TMEM184B: variants seen among roughly 807,000 people sequenced by gnomAD.
TMEM184B encodes the protein putative MAPK-activating protein FM08.
In TMEM184B, 17 loss-of-function variants were observed where a neutral mutation model predicts 41.8. That is an observed-to-expected ratio of 0.41 (90% CI 0.28 to 0.61). The LOEUF is 0.61. TMEM184B is among the 20% of genes least tolerant of loss of function. The pLI is 0.34. For synonymous variants in TMEM184B, 240 were observed against 229.5 expected (o/e 1.05, Z -0.41); for missense variants, 393 against 557.8 (o/e 0.70, Z 2.98).
At chr22:38,218,646 G>C (rs919398958), downstream of TMEM184B, among the ~76,000 whole-genome samples, 6 of 152,222 alleles carry the variant, frequency 3.9e-5, no homozygotes, top group Non-Finnish European at 7.3e-5. Flanking sequence ...CCCCTTCTCA[G>C]GTTGGGGCTC....
chr22:38,252,062 A>ATT (rs61385474), intron 1 of TMEM184B, among the ~76,000 whole-genome samples: 52 of 142,934 alleles, frequency 3.6e-4, no homozygotes, highest in Middle Eastern at 3.5e-3. Flanking sequence ...TGTCCAACAA[A>ATT]TTTTTTTTTT....
rs930458554 is a variant in TMEM184B, at chr22:38,226,157, G to A, written c.618-564C>T. On this transcript the variant is annotated intron_variant, in intron 6 of 8. Transcript: ENST00000361906. The surrounding 1 kb of genome is among the most constrained non-coding windows in gnomAD (Gnocchi z 4.6). Reference sequence around the variant, plus strand: ...TGCAATGGCGTGATCTTGGCTCACCGCAACCTCTGCCTCCTGGGTTCAAGC... The same window carrying A: ...TGCAATGGCGTGATCTTGGCTCACCACAACCTCTGCCTCCTGGGTTCAAGC... Among the ~76,000 whole-genome samples the A allele has an allele frequency of 2.0e-5, 3 of 149,936 alleles. No homozygotes were observed. Among genetic ancestry groups the A allele is most frequent in the African/African-American group, 4.9e-5 (2 of 40,502 alleles).
rs1156630982 is a variant in TMEM184B at position 38,225,475 on chromosome 22, C to T, written c.736G>A (p.Val246Ile). 1.4e-5 allele frequency: 22 copies of T among 1,580,990 alleles called. No homozygotes were observed. The highest frequency in any genetic ancestry group is 1.8e-5 in the Non-Finnish European group (21 of 1,168,286). ...TRELLSPYSPVLKFFMVKSVI... is the reference protein window; with the variant it reads ...TRELLSPYSPILKFFMVKSVI... ...GACTTGACCATGAAGAACTTGAGGA[C>T]GGGGCTGTAGGGGCTGAGCAGCTCC... Residue 246 changes from valine (V) to isoleucine (I), a missense_variant, in exon 7 of 9, where the codon GTC (valine) becomes ATC (isoleucine). By Grantham distance (29) the Val-to-Ile change is conservative (BLOSUM62 3). Transcript: ENST00000361906. The surrounding 1 kb of genome is among the most constrained non-coding windows in gnomAD (Gnocchi z 4.4).
intron 1 of TMEM184B, among the ~76,000 whole-genome samples, chr22:38,270,207 C>G (rs1235267498): frequency 1.3e-5 from 2 of 152,188 alleles, no homozygotes; most frequent in East Asian, 3.9e-4. Context: ...ATAGGTGGAG[C>G]ACCCCTCGTC....
rs143775585 is a variant in TMEM184B, at chr22:38,266,811, C to T, written c.-59+6073G>A. 2.3e-3 allele frequency among the ~76,000 whole-genome samples: 352 copies of T among 152,288 alleles called. 1 individual carries two copies. Among genetic ancestry groups the T allele is most frequent in the African/African-American group, 8.1e-3 (338 of 41,544 alleles). On this transcript the variant is annotated intron_variant, in intron 1 of 8. Transcript: ENST00000361906. ...TACTATCAACAAGTACGGCCGGGTA[C>T]GGTGGCTCACGCCTGTAATCCCAGC... is the stretch of plus-strand genomic sequence containing the variant.
At chr22:38,240,074 C>T (rs907634327) in intron 3 of TMEM184B, among the ~76,000 whole-genome samples, 3 of 152,078 alleles carry the variant, frequency 2.0e-5, no homozygotes, top group Non-Finnish European at 4.4e-5. Context: ...CCCGCCTCAG[C>T]CTCCTGAGTT....
rs1294274335 is a variant in TMEM184B, at chr22:38,225,294, A to G, written c.787+130T>C. On this transcript the variant is annotated intron_variant, in intron 7 of 8. Coordinates refer to ENST00000361906, the MANE Select transcript of TMEM184B (RefSeq NM_012264.5). The surrounding 1 kb of genome is among the most constrained non-coding windows in gnomAD (Gnocchi z 4.4). ...CGAGGGCTCAGATTTCACCCCCAGC[A>G]AGTGCCCAGTGGGCTGAGGCCCCTC... 7 of 1,220,394 alleles carry G rather than the reference A, an allele frequency of 5.7e-6. No homozygotes were observed. The African/African-American group carries it at 7.7e-5, about 13-fold the overall frequency. The allele number at this position is 1,220,394 out of a possible 1,614,324, so 75.6% of individuals were successfully genotyped here.
At chr22:38,223,971 A>C (rs1402309330) in intron 8 of TMEM184B, 1 of 152,264 alleles carries the variant, frequency 6.6e-6, no homozygotes, top group East Asian at 1.9e-4. Flanking sequence ...GGGTATCAGC[A>C]CTTCCAAAAG....
chr22:38,242,827 G>T (rs2091941971), intron 3 of TMEM184B, among the ~76,000 whole-genome samples: 1 of 152,168 alleles, frequency 6.6e-6, no homozygotes, highest in South Asian at 2.1e-4. Flanking sequence ...ACTTTGGGAG[G>T]CCAAGGCGGG....
intron 8 of TMEM184B, chr22:38,223,924 C>T (rs1022356200): frequency 6.6e-6 from 1 of 152,264 alleles, no homozygotes; most frequent in Non-Finnish European, 1.5e-5. Flanking sequence ...GCCTGCCAGC[C>T]CGGACCCATT....
chr22:38,263,398 C>A (rs533465662), intron 1 of TMEM184B, among the ~76,000 whole-genome samples: 10 of 152,332 alleles, frequency 6.6e-5, no homozygotes, highest in African/African-American at 2.4e-4. Context: ...CCCTTTTACA[C>A]TGATGGCAGC....
downstream of TMEM184B, among the ~76,000 whole-genome samples, chr22:38,218,572 G>A (rs117029195): frequency 1.8e-4 from 28 of 152,290 alleles, no homozygotes; most frequent in East Asian, 7.7e-4. Context: ...TTGGGCGAAG[G>A]TGCAGGATTT....
intron 3 of TMEM184B, among the ~76,000 whole-genome samples, chr22:38,241,955 C>T (rs1464021076): frequency 1.3e-5 from 2 of 148,432 alleles, no homozygotes; most frequent in Admixed American, 1.4e-4. Flanking sequence ...TAGGAAGTCA[C>T]CATGTAACAT....
At chr22:38,234,476 C>G (rs768708451) in intron 3 of TMEM184B, among the ~76,000 whole-genome samples, 1 of 152,198 alleles carries the variant, frequency 6.6e-6, no homozygotes, top group Non-Finnish European at 1.5e-5. Context: ...TCCCCTGCAC[C>G]CAGTCCAAAT....
At chr22:38,230,614 C>A in intron 5 of TMEM184B, 55 bp downstream of exon 5, 1 of 1,558,968 alleles carries the variant, frequency 6.4e-7, no homozygotes, top group Non-Finnish European at 8.7e-7. Flanking sequence ...CACGGCAGGG[C>A]CTCCCAGACC....
chr22:38,221,415 G>A lies in TMEM184B; in HGVS notation c.*54C>T, dbSNP rs2091255135. 1 of 1,546,042 alleles carries A rather than the reference G, an allele frequency of 6.5e-7. No individual in the cohort carries two copies. The highest frequency in any genetic ancestry group is 8.7e-7 in the Non-Finnish European group (1 of 1,148,334). ...GGCCTGGTGGTGAGGCTGGAGGTGG[G>A]GCACAGCCTGACCGTGGCTATGGCG... is the stretch of plus-strand genomic sequence containing the variant. On this transcript the variant is annotated 3_prime_UTR_variant, in exon 9 of 9. Transcript: ENST00000361906.
chr22:38,258,018 C>T (rs946163125), intron 1 of TMEM184B, among the ~76,000 whole-genome samples: 21 of 152,194 alleles, frequency 1.4e-4, no homozygotes, highest in Admixed American at 1.0e-3. Flanking sequence ...CCCCACCTCC[C>T]CCACATACAG....
At chr22:38,249,543 G>C (rs2092117194) in intron 1 of TMEM184B, among the ~76,000 whole-genome samples, 1 of 152,150 alleles carries the variant, frequency 6.6e-6, no homozygotes, top group African/African-American at 2.4e-5. Context: ...AATGAGATTA[G>C]TGCCCTCATA....
rs563583745 is a variant in TMEM184B at position 38,268,028 on chromosome 22, C to A, written c.-59+4856G>T. 4.8e-4 allele frequency among the ~76,000 whole-genome samples: 73 copies of A among 152,286 alleles called. 1 individual carries two copies. Among genetic ancestry groups the A allele is most frequent in the Non-Finnish European group, 6.2e-4 (42 of 68,032 alleles). On this transcript the variant is annotated intron_variant, in intron 1 of 8. Transcript: ENST00000361906. The stretch of plus-strand genomic sequence containing the variant: ...TAATTCCAGCTGTCAGCCACCTCTG[C>A]ATTTAGATTTATCCTCTCCAGTGCT...
Sources: allele counts gnomAD v4.1 joint callset (sites outside exome capture counted in the v4.1 genomes callset), GRCh38; gene constraint gnomAD v4.1.1; non-coding constraint Gnocchi (gnomAD v3.1); transcripts MANE v1.5; gene names NCBI Gene and HGNC (gene_info 2026-07-23, HGNC 2026-07-21).